Variants in MARCHF6 observed in about 807,000 individuals in gnomAD.
The protein encoded by MARCHF6 is E3 ubiquitin-protein ligase MARCHF6.
MARCHF6 carries 31 observed loss-of-function variants against 133.7 expected under a neutral mutation model. The observed-to-expected ratio is 0.23, with a 90% CI of 0.17 to 0.31. MARCHF6 has a LOEUF of 0.31. Ranked by LOEUF, MARCHF6 falls within the 10% of genes least tolerant of loss-of-function variation. The pLI is 1.00. For missense variants in MARCHF6, 723 were observed against 1,121.6 expected, an observed-to-expected ratio of 0.64 and a Z score of 5.08; for synonymous variants, 395 against 402.5, an observed-to-expected ratio of 0.98 and a Z score of 0.22.
At chr5:10,358,615 C>T (rs1332621534) in intron 1 of MARCHF6, among the ~76,000 whole-genome samples, 1 of 152,054 alleles carries the variant, frequency 6.6e-6, no homozygotes, top group Non-Finnish European at 1.5e-5. Context: ...GACTCTTGAA[C>T]AACATGGGTT....
chr5:10,437,000 C>G lies in MARCHF6; in HGVS notation c.*3316C>G, dbSNP rs145007242. On this transcript the variant is annotated 3_prime_UTR_variant, in exon 26 of 26. Coordinates refer to ENST00000274140, the MANE Select transcript of MARCHF6 (RefSeq NM_005885.4). ...TGATTTGATCCAAGATACGTCATTT[C>G]TGTATTGGCAAAATGCCACTATTAA... 6.6e-5 allele frequency: 10 copies of G among 152,354 alleles called. No individual in the cohort carries two copies. The East Asian group carries it at 1.7e-3, about 26-fold the overall frequency. The allele number at this position is 152,354 out of a possible 1,614,324, so 9.4% of individuals were successfully genotyped here. A position where few individuals can be genotyped will look rare whatever the true frequency, so the allele number is the denominator to read the frequency against.
chr5:10,369,867 A>G (rs180885730), intron 1 of MARCHF6, among the ~76,000 whole-genome samples: 39 of 152,224 alleles, frequency 2.6e-4, no homozygotes, highest in African/African-American at 9.4e-4. Context: ...GGGATGTACC[A>G]AAGTTTATCT....
At chr5:10,384,137 C>A (rs1737327769) in intron 4 of MARCHF6, among the ~76,000 whole-genome samples, 1 of 152,058 alleles carries the variant, frequency 6.6e-6, no homozygotes, top group Non-Finnish European at 1.5e-5. Context: ...CTCAACCTAA[C>A]ACAGAAATTA....
chr5:10,370,070 G>A (rs915034392), intron 1 of MARCHF6, among the ~76,000 whole-genome samples: 3 of 146,728 alleles, frequency 2.0e-5, no homozygotes, highest in African/African-American at 7.6e-5. Flanking sequence ...CCTTTCAATA[G>A]GTATGGGAGT....
chr5:10,376,702 T>C (rs1198032645), intron 1 of MARCHF6, among the ~76,000 whole-genome samples: 1 of 152,166 alleles, frequency 6.6e-6, no homozygotes, highest in Non-Finnish European at 1.5e-5. Flanking sequence ...AGAAAAGGCA[T>C]GCACCCCACT....
At chr5:10,366,129 G>T (rs934569418) in intron 1 of MARCHF6, among the ~76,000 whole-genome samples, 1 of 151,798 alleles carries the variant, frequency 6.6e-6, no homozygotes, top group East Asian at 1.9e-4. Flanking sequence ...GATGGGTTTC[G>T]CCATGTTGGC....
At chr5:10,411,177 C>T (rs1474810430) in intron 18 of MARCHF6, among the ~76,000 whole-genome samples, 156 bp from the exon 19 acceptor site, 1 of 152,122 alleles carries the variant, frequency 6.6e-6, no homozygotes, top group Non-Finnish European at 1.5e-5. Flanking sequence ...AAAGTGGGTA[C>T]AAACATTTAG....
At position 10,391,703 on chromosome 5, in the gene MARCHF6, T is replaced by A. The variant is rs764418277; in HGVS notation, c.738T>A (p.Asp246Glu). 1 of 1,580,306 alleles carries A rather than the reference T, an allele frequency of 6.3e-7. No homozygotes were observed. The change falls in exon 7 of 26, where the codon GAT (aspartate) becomes GAA (glutamate). Residue 246 changes from aspartate to glutamate, a missense_variant. By Grantham distance (45) the Asp-to-Glu change is conservative (BLOSUM62 2). Around this residue, in one of 4 missense-constraint regions of MARCHF6, gnomAD observed 97 missense variants for 115.4 expected, o/e 0.84. Transcript: ENST00000274140. ...AGGAAGATGACGCTGGTGTGGAGGA[T>A]GCGGCAGATGCTAATAACGGAGCCC... ...NEEEDDAGVE[D>E]AADANNGAQD...
intron 19 of MARCHF6, 28 bp downstream of exon 19, chr5:10,411,565 A>G (rs781247705): frequency 4.5e-6 from 7 of 1,561,566 alleles, no homozygotes; most frequent in Non-Finnish European, 6.1e-6. Flanking sequence ...TTAATCACAT[A>G]TAGAGGTTTT....
chr5:10,353,974 C>G (rs1735267940), intron 1 of MARCHF6, 57 bp downstream of exon 1: 2 of 1,505,108 alleles, frequency 1.3e-6, no homozygotes, highest in African/African-American at 1.4e-5. Flanking sequence ...GTTCGTACCC[C>G]GGCCAGGTCC....
chr5:10,361,477 G>A (rs1450606604), intron 1 of MARCHF6, among the ~76,000 whole-genome samples: 1 of 152,136 alleles, frequency 6.6e-6, no homozygotes, highest in Non-Finnish European at 1.5e-5. Flanking sequence ...CTCTCTGTAT[G>A]TCTTCATGTA....
At position 10,405,658 on chromosome 5, in the gene MARCHF6, G is replaced by A. The variant is rs779090414; in HGVS notation, c.1433G>A (p.Arg478Gln). 1.9e-6 allele frequency: 3 copies of A among 1,593,890 alleles called. No individual in the cohort carries two copies. The highest frequency in any genetic ancestry group is 2.6e-6 in the Non-Finnish European group (3 of 1,173,760). The change falls in exon 16 of 26, where the codon CGA becomes CAA. Residue 478 changes from arginine (R) to glutamine (Q), a missense_variant. Around this residue, in one of 4 missense-constraint regions of MARCHF6, gnomAD observed 492 missense variants for 699.5 expected, o/e 0.70. Coordinates refer to ENST00000274140, the MANE Select transcript of MARCHF6 (RefSeq NM_005885.4). ...CATTTGCCAATATATAGGCATCTCC[G>A]AAGATTTATTTTGTCAGTGGTAAGA... is the stretch of plus-strand genomic sequence containing the variant. ...MIHLPIYRHL[R>Q]RFILSVIVFG... is the part of the protein sequence containing the mutation.
At chr5:10,390,237 T>A (rs1737740291) in intron 5 of MARCHF6, 95 bp from the exon 6 acceptor site, 11 of 932,770 alleles carry the variant, frequency 1.2e-5, no homozygotes, top group Non-Finnish European at 1.8e-5. Context: ...TGTTTTTTTT[T>A]TTTCTGAGAC....
At chr5:10,384,866 G>A (rs1173879643) in intron 4 of MARCHF6, among the ~76,000 whole-genome samples, 1 of 152,154 alleles carries the variant, frequency 6.6e-6, no homozygotes, top group Non-Finnish European at 1.5e-5. Flanking sequence ...AACAGAACAA[G>A]AACTTTCTGT....
At chr5:10,370,049 C>G (rs1468738902) in intron 1 of MARCHF6, among the ~76,000 whole-genome samples, 1 of 129,170 alleles carries the variant, frequency 7.7e-6, no homozygotes, top group Non-Finnish European at 1.7e-5. Context: ...TTTTTATTTT[C>G]ATTTTTTTGC....
chr5:10,386,802 C>G (rs1737507309), intron 4 of MARCHF6, 192 bp from the exon 5 acceptor site: 1 of 461,070 alleles, frequency 2.2e-6, no homozygotes, highest in Non-Finnish European at 4.0e-6. Context: ...GTAACATTTA[C>G]TCTTCATTGT....
rs139475831 is a variant in MARCHF6, at chr5:10,353,888, C to A, written c.-11C>A. 83 of 1,565,076 alleles carry A rather than the reference C, an allele frequency of 5.3e-5. No homozygotes were observed. The highest frequency in any genetic ancestry group is 6.7e-5 in the Non-Finnish European group (78 of 1,159,798). On this transcript the variant is annotated 5_prime_UTR_variant, in exon 1 of 26. Coordinates refer to ENST00000274140, the MANE Select transcript of MARCHF6 (RefSeq NM_005885.4). ...CCTCGTGGCTGCGTCACCGCCGCCC[C>A]CCCAGACAAGATGGACACCGCGGAG...
intron 1 of MARCHF6, among the ~76,000 whole-genome samples, chr5:10,372,505 T>G (rs1043969757): frequency 4.9e-5 from 6 of 122,120 alleles, no homozygotes; most frequent in African/African-American, 1.9e-4. Flanking sequence ...TAATAATATG[T>G]TAGAATTCCC....
intron 3 of MARCHF6, 147 bp from the exon 4 acceptor site, chr5:10,381,653 A>T: frequency 3.3e-6 from 2 of 607,508 alleles, no homozygotes; most frequent in Non-Finnish European, 5.4e-6. Context: ...ATGTGATATT[A>T]TAACTATTTG....
Sources: gnomAD v4.1 joint callset for allele counts (sites outside exome capture counted in the v4.1 genomes callset) on GRCh38, gnomAD v4.1.1 for gene constraint, gnomAD v4.1.1 regional missense constraint, MANE v1.5 for transcripts, NCBI Gene and HGNC (gene_info 2026-07-23, HGNC 2026-07-21) for gene names.